RNF13: variants seen among roughly 807,000 people sequenced by gnomAD.
RNF13 encodes the protein E3 ubiquitin-protein ligase RNF13.
A neutral mutation model predicts 37.7 loss-of-function variants in RNF13; 19 were observed. The observed-to-expected ratio is 0.50, with a 90% confidence interval of 0.35 to 0.74. RNF13 has a LOEUF of 0.74. Among genes scored for constraint, RNF13 ranks in the 30% least tolerant of loss-of-function variants. RNF13 has a pLI of 0.01. For synonymous variants in RNF13, 144 were observed against 157.8 expected (o/e 0.91, Z 0.65); for missense variants, 375 against 453.0 (o/e 0.83, Z 1.56).
intron 8 of RNF13, among the ~76,000 whole-genome samples, chr3:149,957,640 A>G (rs1721988451): frequency 6.6e-6 from 1 of 152,182 alleles, no homozygotes; most frequent in Admixed American, 6.5e-5. Flanking sequence ...CTACCATGTG[A>G]TAAGTAAGTA....
At chr3:149,854,397 C>T (rs757135470) in intron 3 of RNF13, among the ~76,000 whole-genome samples, 15 of 152,252 alleles carry the variant, frequency 9.9e-5, no homozygotes, top group Non-Finnish European at 1.9e-4. Context: ...CCTTCAGATC[C>T]TTTTCTGAAC....
intron 1 of RNF13, among the ~76,000 whole-genome samples, chr3:149,824,153 A>G (rs1183488744): frequency 6.6e-6 from 1 of 152,276 alleles, no homozygotes; most frequent in Non-Finnish European, 1.5e-5. Flanking sequence ...CCCATTGAAT[A>G]AAACAGTAAT....
At chr3:149,867,163 G>T (rs1711499252) in intron 3 of RNF13, among the ~76,000 whole-genome samples, 2 of 152,056 alleles carry the variant, frequency 1.3e-5, no homozygotes, top group Non-Finnish European at 2.9e-5. Context: ...TATGTTTGCT[G>T]CATATGCTTG....
chr3:149,910,367 CTGCTGGAA>C (rs1716868901), intron 6 of RNF13, among the ~76,000 whole-genome samples: 2 of 152,146 alleles, frequency 1.3e-5, no homozygotes, highest in African/African-American at 4.8e-5. Context: ...ATCCCCCATT[CTGCTGGAA>C]AGTGAAGTAA....
intron 5 of RNF13, among the ~76,000 whole-genome samples, chr3:149,898,979 A>G (rs117463243): frequency 6.6e-6 from 1 of 152,176 alleles, no homozygotes; most frequent in African/African-American, 2.4e-5. Context: ...ACGGAACAAC[A>G]AGTACAACAA....
At chr3:149,947,679 C>T (rs576967621) in intron 8 of RNF13, among the ~76,000 whole-genome samples, 4 of 151,948 alleles carry the variant, frequency 2.6e-5, no homozygotes, top group African/African-American at 9.7e-5. Flanking sequence ...GAATTACAGG[C>T]GTGAGCCACC....
At chr3:149,955,509 T>C (rs1166419512) in intron 8 of RNF13, among the ~76,000 whole-genome samples, 1 of 152,078 alleles carries the variant, frequency 6.6e-6, no homozygotes, top group African/African-American at 2.4e-5. Flanking sequence ...GAATAAAAAA[T>C]AAGATTCATT....
At chr3:149,829,058 A>G (rs928711761) in intron 1 of RNF13, among the ~76,000 whole-genome samples, 6 of 152,196 alleles carry the variant, frequency 3.9e-5, no homozygotes, top group African/African-American at 1.4e-4. Context: ...ATTGAGAACA[A>G]TTGGTATGAA....
chr3:149,920,860 A>G (rs905999285), intron 7 of RNF13, among the ~76,000 whole-genome samples: 3 of 149,572 alleles, frequency 2.0e-5, no homozygotes, highest in Non-Finnish European at 3.0e-5. Context: ...TATTTTTGCA[A>G]GCAAACAGTT....
At chr3:149,936,118 G>A (rs1414880039) in intron 8 of RNF13, among the ~76,000 whole-genome samples, 1 of 151,572 alleles carries the variant, frequency 6.6e-6, no homozygotes, top group Non-Finnish European at 1.5e-5. Flanking sequence ...ATGAATTAGA[G>A]CTCTTTATAT....
At chr3:149,815,327 A>G (rs1349893870) in intron 1 of RNF13, among the ~76,000 whole-genome samples, 2 of 152,186 alleles carry the variant, frequency 1.3e-5, no homozygotes, top group African/African-American at 4.8e-5. Flanking sequence ...ATGAAATGAA[A>G]TAGTTTGGTC....
At chr3:149,926,029 G>T (rs1718603957) in intron 8 of RNF13, among the ~76,000 whole-genome samples, 1 of 152,086 alleles carries the variant, frequency 6.6e-6, no homozygotes, top group African/African-American at 2.4e-5. Flanking sequence ...CATGATATAT[G>T]CCCGTGTGTC....
chr3:149,892,461 C>G (rs562675248), intron 4 of RNF13, among the ~76,000 whole-genome samples: 372 of 152,232 alleles, frequency 2.4e-3, no homozygotes, highest in Non-Finnish European at 4.4e-3. Flanking sequence ...ATGTAGACAA[C>G]CGCAGATTTA....
rs1722610564 is a variant in RNF13, at chr3:149,846,042, G to C, written c.16G>C (p.Gly6Arg). 1 of 1,610,950 alleles carries C rather than the reference G, an allele frequency of 6.2e-7. No individual in the cohort carries two copies. Among genetic ancestry groups the C allele is most frequent in the Non-Finnish European group, 8.5e-7 (1 of 1,179,064 alleles). The change falls in exon 2 of 10, where the codon GGG (glycine) becomes CGG (arginine). Residue 6 changes from glycine to arginine, a missense_variant. By Grantham distance (125) the Gly-to-Arg change is moderately radical (BLOSUM62 -2). Transcript: ENST00000392894. ...TTACAACGAGATGCTGCTCTCCATA[G>C]GGATGCTCATGCTGTCAGCCACACA... MLLSI[G>R]MLMLSATQVY...
At chr3:149,876,355 A>G (rs938111954) in intron 4 of RNF13, among the ~76,000 whole-genome samples, 4 of 152,232 alleles carry the variant, frequency 2.6e-5, no homozygotes, top group Admixed American at 6.5e-5. Context: ...GGACTTAGAT[A>G]TTATTCTCCC....
At chr3:149,873,058 T>C (rs1234514419) in intron 4 of RNF13, among the ~76,000 whole-genome samples, 1 of 152,246 alleles carries the variant, frequency 6.6e-6, no homozygotes, top group Non-Finnish European at 1.5e-5. Context: ...GTAGACTTCC[T>C]GCTCCTCAGA....
Position 149,935,187 on chromosome 3 carries a change from A to G in RNF13, c.700+13960A>G, listed in dbSNP as rs552031973. ...GTTGTTTATTTTATCTGATATAAAT[A>G]TAGCTATTCTTGCTCTTTTTTGTTT... On this transcript the variant is annotated intron_variant, in intron 8 of 9. Coordinates refer to ENST00000392894, the MANE Select transcript of RNF13 (RefSeq NM_183381.3). Among the ~76,000 whole-genome samples the G allele has an allele frequency of 9.8e-5, 15 of 152,310 alleles. 1 individual carries two copies. The East Asian group carries it at 2.9e-3, about 29-fold the overall frequency.
At position 149,894,599 on chromosome 3, in the gene RNF13, GC is replaced by G. The variant is rs1715050299; in HGVS notation, c.322-873del. ...ACTCTGAGACATACCATTGTGGAATGCTCATAAGGTAATGTATTTCAAGAGT... is the reference window on the plus strand; with the variant it reads ...ACTCTGAGACATACCATTGTGGAATGTCATAAGGTAATGTATTTCAAGAGT... On this transcript the variant is annotated intron_variant, in intron 4 of 9. Coordinates refer to ENST00000392894, the MANE Select transcript of RNF13 (RefSeq NM_183381.3). Among the ~76,000 whole-genome samples, 3 of 152,090 alleles carry G rather than the reference GC, an allele frequency of 2.0e-5. No homozygotes were observed. The South Asian group carries it at 6.2e-4, about 32-fold the overall frequency.
chr3:149,863,334 CAG>C (rs1724470562), intron 3 of RNF13, among the ~76,000 whole-genome samples: 1 of 152,044 alleles, frequency 6.6e-6, no homozygotes. Context: ...TTTTGGAAAA[CAG>C]TATGTTTTAT....
Sources: gnomAD v4.1 joint callset for allele counts (sites outside exome capture counted in the v4.1 genomes callset) on GRCh38, gnomAD v4.1.1 for gene constraint, MANE v1.5 for transcripts, NCBI Gene and HGNC (gene_info 2026-07-23, HGNC 2026-07-21) for gene names.